PIK3C2G: variants seen among roughly 807,000 people sequenced by gnomAD.
PIK3C2G encodes phosphatidylinositol 3-kinase C2 domain-containing subunit gamma.
Under a neutral mutation model 181.1 loss-of-function variants are expected in PIK3C2G, and 168 were observed. The ratio of observed to expected loss-of-function variants is 0.93; its 90% CI spans 0.82 to 1.05. PIK3C2G has a LOEUF of 1.05. Among genes scored for constraint, PIK3C2G ranks in the 50% least tolerant of loss-of-function variants. PIK3C2G has a pLI of 0.00. For missense variants in PIK3C2G, 1,869 were observed against 1,732.8 expected (o/e 1.08, Z -1.40); for synonymous variants, 573 against 592.2 (o/e 0.97, Z 0.47).
the PIK3C2G span, among the ~76,000 whole-genome samples, chr12:18,683,840 T>A: frequency 6.6e-6 from 1 of 151,946 alleles, no homozygotes; most frequent in Admixed American, 6.6e-5. Flanking sequence ...TTCTTTATGG[T>A]AGTCATGACT....
At chr12:18,503,628 G>T (rs763438385) in intron 23 of PIK3C2G, among the ~76,000 whole-genome samples, 1 of 151,984 alleles carries the variant, frequency 6.6e-6, no homozygotes, top group Non-Finnish European at 1.5e-5. Flanking sequence ...GAAATTCCTG[G>T]TTATCAATAA....
chr12:18,710,592 G>A, the PIK3C2G span, among the ~76,000 whole-genome samples: 3 of 152,104 alleles, frequency 2.0e-5, no homozygotes, highest in East Asian at 3.9e-4. Flanking sequence ...AGATGAGATT[G>A]CAGGGGAATA....
intron 15 of PIK3C2G, among the ~76,000 whole-genome samples, chr12:18,393,563 A>G (rs548534828): frequency 6.6e-5 from 10 of 152,156 alleles, no homozygotes; most frequent in Non-Finnish European, 1.3e-4. Context: ...CAACCAAAAA[A>G]TGCTTCCAAA....
chr12:18,415,386 T>C (rs929537975), intron 16 of PIK3C2G, among the ~76,000 whole-genome samples: 5 of 152,206 alleles, frequency 3.3e-5, no homozygotes, highest in Admixed American at 2.6e-4. Context: ...CACCACAAGG[T>C]GCACCCACAG....
At chr12:18,282,854 A>G in intron 2 of PIK3C2G, 95 bp downstream of exon 2, 1 of 846,222 alleles carries the variant, frequency 1.2e-6, no homozygotes, top group East Asian at 2.6e-5. Flanking sequence ...ACTAAACTTA[A>G]ATAGGGAAAT....
chr12:18,435,003 T>C (rs1305078778), intron 18 of PIK3C2G, among the ~76,000 whole-genome samples: 1 of 151,354 alleles, frequency 6.6e-6, no homozygotes, highest in Non-Finnish European at 1.5e-5. Flanking sequence ...TTTTTTTTTT[T>C]CTGGAGGGCT....
intron 18 of PIK3C2G, among the ~76,000 whole-genome samples, chr12:18,456,587 C>T (rs1241675360): frequency 6.6e-6 from 1 of 152,096 alleles, no homozygotes; most frequent in African/African-American, 2.4e-5. Flanking sequence ...CAGATGGGTC[C>T]CCTACCTGGC....
At chr12:18,552,326 C>CT (rs761478982) in intron 26 of PIK3C2G, among the ~76,000 whole-genome samples, 2 of 152,064 alleles carry the variant, frequency 1.3e-5, no homozygotes, top group Non-Finnish European at 2.9e-5. Flanking sequence ...GATTTTATAT[C>CT]TTTTTTCTCT....
intron 25 of PIK3C2G, among the ~76,000 whole-genome samples, chr12:18,540,035 T>C (rs1269224774): frequency 6.6e-6 from 1 of 151,810 alleles, no homozygotes; most frequent in East Asian, 1.9e-4. Context: ...GGATTAAGTC[T>C]GTGATTCTGA....
chr12:18,292,458 A>G (rs1175748299), intron 4 of PIK3C2G, among the ~76,000 whole-genome samples: 1 of 151,748 alleles, frequency 6.6e-6, no homozygotes, highest in Admixed American at 6.6e-5. Context: ...TAGTCTAGCT[A>G]TCTACAGACA....
At chr12:18,346,438 G>C (rs979503781) in intron 10 of PIK3C2G, among the ~76,000 whole-genome samples, 1 of 152,158 alleles carries the variant, frequency 6.6e-6, no homozygotes, top group Non-Finnish European at 1.5e-5. Context: ...CTGAAGATCA[G>C]AAAGCTTATT....
chr12:18,449,287 T>C (rs993347129), intron 18 of PIK3C2G, among the ~76,000 whole-genome samples: 12 of 152,110 alleles, frequency 7.9e-5, no homozygotes, highest in Non-Finnish European at 1.6e-4. Context: ...TTATTATTTA[T>C]TATTTTTTTT....
chr12:18,482,730 A>AT (rs1224799467), intron 18 of PIK3C2G, among the ~76,000 whole-genome samples: 1 of 152,062 alleles, frequency 6.6e-6, no homozygotes, highest in African/African-American at 2.4e-5. Context: ...ACAGTCTCTT[A>AT]TTGCATACAC....
intron 13 of PIK3C2G, among the ~76,000 whole-genome samples, chr12:18,372,137 A>T (rs1942108185): frequency 6.6e-6 from 1 of 152,056 alleles, no homozygotes. Context: ...ATTATCAGCA[A>T]CCATAATAGA....
At chr12:18,635,390 T>C (rs569699749) in intron 31 of PIK3C2G, among the ~76,000 whole-genome samples, 1 of 152,316 alleles carries the variant, frequency 6.6e-6, no homozygotes, top group East Asian at 1.9e-4. Flanking sequence ...CGATTTCATT[T>C]GATGATGGAG....
rs145593782 is a variant in PIK3C2G, at chr12:18,549,304, T to C, written c.3590+2872T>C. On this transcript the variant is annotated intron_variant, in intron 26 of 32. Transcript: ENST00000538779. ...GGGAATGTATTCCCAATTCTAAGAA[T>C]ATCTGAATATGAAACAAGCCCTATT... 6.6e-3 allele frequency among the ~76,000 whole-genome samples: 1,004 copies of C among 152,166 alleles called. 11 individuals are homozygous for C. Among genetic ancestry groups the C allele is most frequent in the African/African-American group, 0.023 (970 of 41,552 alleles).
rs574541283 is a variant in PIK3C2G, at chr12:18,376,461, GC to G, written c.1880+5151del. On this transcript the variant is annotated intron_variant, in intron 13 of 32. Transcript: ENST00000538779. ...TAAGTAACTTGTTTTGATTTTATGG[GC>G]TCATAGGTTGAAAGAACTGATCTCC... Among the ~76,000 whole-genome samples the G allele has an allele frequency of 6.2e-4, 94 of 152,270 alleles. No homozygotes were observed. In the South Asian group the frequency reaches 0.019, roughly 31 times the overall value.
chr12:18,605,571 C>T (rs1947973790), intron 30 of PIK3C2G, among the ~76,000 whole-genome samples: 1 of 152,010 alleles, frequency 6.6e-6, no homozygotes, highest in Non-Finnish European at 1.5e-5. Flanking sequence ...TAGGACAGGA[C>T]ACAACCAAAA....
At chr12:18,570,943 A>T (rs774166875) in intron 29 of PIK3C2G, among the ~76,000 whole-genome samples, 3 of 150,890 alleles carry the variant, frequency 2.0e-5, no homozygotes, top group Non-Finnish European at 4.4e-5. Flanking sequence ...ATGCCACGGC[A>T]AAGGAAAATT....
Sources: gnomAD v4.1 joint callset for allele counts (sites outside exome capture counted in the v4.1 genomes callset) on GRCh38, gnomAD v4.1.1 for gene constraint, MANE v1.5 for transcripts, NCBI Gene and HGNC (gene_info 2026-07-23, HGNC 2026-07-21) for gene names.